Variants in ITGA8 observed in about 807,000 individuals in gnomAD.
ITGA8 encodes integrin alpha-8.
ITGA8 carries 91 observed loss-of-function variants against 142.3 expected under a neutral mutation model. The observed-to-expected ratio is 0.64, with a 90% confidence interval of 0.54 to 0.76. ITGA8 has a LOEUF of 0.76. ITGA8 is among the 30% of genes least tolerant of loss of function. ITGA8 has a pLI of 0.00. For missense variants in ITGA8, 1,406 were observed against 1,327.7 expected, an observed-to-expected ratio of 1.06 and a Z score of -0.92; for synonymous variants, 505 against 485.2, an observed-to-expected ratio of 1.04 and a Z score of -0.54.
At chr10:15,719,517 G>C in intron 1 of ITGA8, 46 bp downstream of exon 1, 1 of 1,479,086 alleles carries the variant, frequency 6.8e-7, no homozygotes, top group Non-Finnish European at 8.9e-7. Flanking sequence ...CCTGACCCGG[G>C]AGCGCCTTCG....
At chr10:15,603,854 G>C (rs1833146504) in intron 20 of ITGA8, among the ~76,000 whole-genome samples, 1 of 152,180 alleles carries the variant, frequency 6.6e-6, no homozygotes, top group Non-Finnish European at 1.5e-5. Context: ...GCTTGAAACT[G>C]ATAGGAACTC....
intron 2 of ITGA8, among the ~76,000 whole-genome samples, chr10:15,711,838 A>C (rs1341100): frequency 0.17 from 25,800 of 152,190 alleles, 2,333 homozygotes; most frequent in Middle Eastern, 0.24. Flanking sequence ...AAAGTTTCTC[A>C]ATTTGCAGAC....
chr10:15,628,015 G>A (rs964251971), intron 13 of ITGA8, among the ~76,000 whole-genome samples: 4 of 151,952 alleles, frequency 2.6e-5, no homozygotes, highest in African/African-American at 4.8e-5. Context: ...TATAATGAAT[G>A]CATTAGCATA....
intron 28 of ITGA8, among the ~76,000 whole-genome samples, chr10:15,519,958 A>C (rs1311786536): frequency 6.6e-6 from 1 of 152,154 alleles, no homozygotes. Flanking sequence ...ACAACGAATT[A>C]GTGTCAATAC....
At chr10:15,585,533 C>T (rs1332890656) in intron 23 of ITGA8, among the ~76,000 whole-genome samples, 1 of 152,202 alleles carries the variant, frequency 6.6e-6, no homozygotes, top group Non-Finnish European at 1.5e-5. Flanking sequence ...AGCTTGTAAA[C>T]CACCGTGGAA....
At chr10:15,677,264 A>G (rs113370004) in intron 6 of ITGA8, among the ~76,000 whole-genome samples, 9 of 152,206 alleles carry the variant, frequency 5.9e-5, no homozygotes, top group Admixed American at 5.9e-4. Context: ...TTTATCTCAT[A>G]TTTTTAAATA....
intron 20 of ITGA8, 92 bp from the exon 21 acceptor site, chr10:15,597,391 C>G (rs1833027718): frequency 4.2e-6 from 4 of 946,390 alleles, no homozygotes; most frequent in South Asian, 2.6e-5. Flanking sequence ...TCCCCTGGAT[C>G]TCAAACACCC....
chr10:15,608,121 A>G (rs903425414), intron 16 of ITGA8, 114 bp downstream of exon 16: 6 of 762,224 alleles, frequency 7.9e-6, no homozygotes, highest in Non-Finnish European at 8.9e-6. Flanking sequence ...TATGCAACAG[A>G]TATCTTGGTA....
chr10:15,650,046 T>C (rs1186948563), intron 11 of ITGA8, among the ~76,000 whole-genome samples: 5 of 152,176 alleles, frequency 3.3e-5, no homozygotes, highest in Non-Finnish European at 5.9e-5. Context: ...TACTCTTCAA[T>C]AGGTGACTGG....
intron 14 of ITGA8, among the ~76,000 whole-genome samples, chr10:15,614,172 A>C (rs56019431): frequency 4.1e-4 from 63 of 152,356 alleles, no homozygotes; most frequent in African/African-American, 1.5e-3. Flanking sequence ...GAGTACTTGA[A>C]GTTTGCAACT....
Position 15,536,100 on chromosome 10 carries a change from G to A in ITGA8, c.2881-4949C>T, listed in dbSNP as rs1390195250. ...ATCAGAAGGAACAAACTCTGGACACGCTGCCTTTAAGAACTGTAACACTCA... is the reference window on the plus strand; with the variant it reads ...ATCAGAAGGAACAAACTCTGGACACACTGCCTTTAAGAACTGTAACACTCA... On this transcript the variant is annotated intron_variant, in intron 27 of 29. Transcript: ENST00000378076. Among the ~76,000 whole-genome samples, 5 of 152,006 alleles carry A rather than the reference G, an allele frequency of 3.3e-5. No homozygotes were observed. In the East Asian group the frequency reaches 9.6e-4, roughly 29 times the overall value.
intron 13 of ITGA8, among the ~76,000 whole-genome samples, chr10:15,634,309 A>G (rs1239975811): frequency 6.6e-6 from 1 of 152,162 alleles, no homozygotes; most frequent in African/African-American, 2.4e-5. Context: ...TATGTCATTT[A>G]TAACTAATAT....
At chr10:15,604,158 A>C in intron 20 of ITGA8, 50 bp downstream of exon 20, 1 of 1,549,266 alleles carries the variant, frequency 6.5e-7, no homozygotes, top group African/African-American at 1.4e-5. Flanking sequence ...CATTTACTTG[A>C]CTTCAAAAAT....
At chr10:15,523,959 A>T (rs1833118485) in intron 28 of ITGA8, among the ~76,000 whole-genome samples, 2 of 151,968 alleles carry the variant, frequency 1.3e-5, no homozygotes, top group Non-Finnish European at 2.9e-5. Flanking sequence ...AAAACAAAAA[A>T]CACTTCATAC....
intron 2 of ITGA8, among the ~76,000 whole-genome samples, chr10:15,718,023 C>A (rs922331718): frequency 6.6e-6 from 1 of 152,152 alleles, no homozygotes; most frequent in Admixed American, 6.5e-5. Flanking sequence ...TAATATATAC[C>A]TTTTGAATTC....
intron 20 of ITGA8, among the ~76,000 whole-genome samples, chr10:15,597,937 C>A (rs1449380788): frequency 6.6e-6 from 1 of 152,106 alleles, no homozygotes; most frequent in Non-Finnish European, 1.5e-5. Context: ...ATATACTGGA[C>A]AAATTCTCAA....
rs1416099570 is a variant in ITGA8, at chr10:15,575,508, A to G, written c.2459T>C (p.Leu820Ser). 1 of 1,613,618 alleles carries G rather than the reference A, an allele frequency of 6.2e-7. No individual in the cohort carries two copies. Among genetic ancestry groups the G allele is most frequent in the East Asian group, 2.2e-5 (1 of 44,880 alleles). The change falls in exon 24 of 30, where the codon TTG (leucine) becomes TCG (serine). Residue 820 changes from leucine (L) to serine (S), a missense_variant. Leu to Ser is a moderately radical substitution (Grantham distance 145). Coordinates refer to ENST00000378076, the MANE Select transcript of ITGA8 (RefSeq NM_003638.3). ...EPHKEEEVGP[L>S]VEHIYELHNI... Reference sequence around the variant, plus strand: ...GGCTACCTCATAAATATGTTCCACCAATGGTCCAACCTCCTCCTCTTTGTG... The same window carrying G: ...GGCTACCTCATAAATATGTTCCACCGATGGTCCAACCTCCTCCTCTTTGTG...
At position 15,644,031 on chromosome 10, in the gene ITGA8, T is replaced by A. The variant is rs761074136; in HGVS notation, c.1398A>T (p.Pro466=). 3.1e-6 allele frequency: 5 copies of A among 1,610,372 alleles called. No individual in the cohort carries two copies. ...GDSDIDKNDY[P]DLIVGAFGTG... ...GTGGGAAAAGAAAGAAAACCTTACC[T>A]GGGTAATCATTCTTGTCTATGTCTG... Residue 466 remains proline (P), a splice_region_variant and synonymous_variant, in exon 13 of 30, where the codon CCA becomes CCT. Transcript: ENST00000378076.
At chr10:15,640,133 C>T (rs1260696162) in intron 13 of ITGA8, among the ~76,000 whole-genome samples, 1 of 152,332 alleles carries the variant, frequency 6.6e-6, no homozygotes, top group East Asian at 1.9e-4. Flanking sequence ...GTTTATAAAG[C>T]ATCTTCACTT....
Sources: allele counts gnomAD v4.1 joint callset (sites outside exome capture counted in the v4.1 genomes callset), GRCh38; gene constraint gnomAD v4.1.1; transcripts MANE v1.5; gene names NCBI Gene and HGNC (gene_info 2026-07-23, HGNC 2026-07-21).